Variants in TRPM3 observed in about 807,000 individuals in gnomAD.
TRPM3 encodes the protein transient receptor potential cation channel subfamily M member 3.
Under a neutral mutation model 181.2 loss-of-function variants are expected in TRPM3, and 77 were observed. That is an observed-to-expected ratio of 0.42 (90% CI 0.35 to 0.51). The LOEUF is 0.51. TRPM3 is among the 20% of genes least tolerant of loss of function. The pLI, the probability that TRPM3 is intolerant of heterozygous loss-of-function variation, is 0.01. For synonymous variants in TRPM3, 745 were observed against 796.4 expected (o/e 0.94, Z 1.09); for missense variants, 1,759 against 2,196.7 (o/e 0.80, Z 3.98).
chr9:71,414,879 G>A (rs140569965), intron 1 of TRPM3, among the ~76,000 whole-genome samples: 3 of 152,188 alleles, frequency 2.0e-5, no homozygotes, highest in African/African-American at 4.8e-5. Context: ...ATAAATTAAA[G>A]TAGCAGGCTT....
At chr9:71,315,342 C>A (rs1279320239) in intron 1 of TRPM3, among the ~76,000 whole-genome samples, 1 of 152,116 alleles carries the variant, frequency 6.6e-6, no homozygotes, top group Non-Finnish European at 1.5e-5. Flanking sequence ...TTGCATAATT[C>A]AGGCATTTTT....
chr9:70,636,769 C>A (rs2057280505), intron 11 of TRPM3, among the ~76,000 whole-genome samples: 1 of 149,738 alleles, frequency 6.7e-6, no homozygotes, highest in South Asian at 2.1e-4. Flanking sequence ...CTCACTGCAA[C>A]CTCCACCTCC....
chr9:70,834,990 A>T (rs1744683859), intron 5 of TRPM3, among the ~76,000 whole-genome samples: 1 of 152,186 alleles, frequency 6.6e-6, no homozygotes, highest in Non-Finnish European at 1.5e-5. Context: ...TAGATCCTTC[A>T]TGAATGACTT....
intron 1 of TRPM3, among the ~76,000 whole-genome samples, chr9:70,875,583 A>C (rs747417334): frequency 1.0e-3 from 153 of 152,090 alleles, no homozygotes; most frequent in Non-Finnish European, 1.7e-3. Flanking sequence ...TTCAAATATT[A>C]TTAAGATGTT....
intron 1 of TRPM3, among the ~76,000 whole-genome samples, chr9:70,877,809 A>G (rs1476520015): frequency 6.6e-6 from 1 of 151,348 alleles, no homozygotes; most frequent in Non-Finnish European, 1.5e-5. Flanking sequence ...CATAAAACAC[A>G]CACACACACA....
rs567048433 is a variant in TRPM3, at chr9:70,589,531, G to A, written c.3223+1500C>T. On this transcript the variant is annotated intron_variant, in intron 22 of 25. Coordinates refer to ENST00000677713, the MANE Select transcript of TRPM3 (RefSeq NM_001366145.2). ...GCACATTTAATCTCTGAGGAAAATG[G>A]TCATAGGTGGGTTTTTAAAAAGTGT... Among the ~76,000 whole-genome samples the A allele has an allele frequency of 9.1e-4, 138 of 152,316 alleles. 1 individual carries two copies. Among genetic ancestry groups the A allele is most frequent in the South Asian group, 6.0e-3 (29 of 4,826 alleles).
At chr9:70,633,100 T>A (rs2066194310) in intron 12 of TRPM3, among the ~76,000 whole-genome samples, 1 of 152,166 alleles carries the variant, frequency 6.6e-6, no homozygotes, top group African/African-American at 2.4e-5. Context: ...AAGGTTTGGG[T>A]TGGTGATGAC....
At chr9:71,119,731 CCT>C (rs1398583793) in intron 1 of TRPM3, among the ~76,000 whole-genome samples, 4 of 152,104 alleles carry the variant, frequency 2.6e-5, no homozygotes, top group African/African-American at 9.7e-5. Context: ...ATTCTTTGCC[CCT>C]GACTCTTGAT....
chr9:71,211,474 G>A (rs968437804), intron 1 of TRPM3, among the ~76,000 whole-genome samples: 3 of 151,688 alleles, frequency 2.0e-5, no homozygotes, highest in African/African-American at 4.8e-5. Context: ...CTAGGGCTGT[G>A]TAACAAAATG....
chr9:70,960,586 C>G (rs775485472), intron 1 of TRPM3, among the ~76,000 whole-genome samples: 1 of 152,164 alleles, frequency 6.6e-6, no homozygotes, highest in Non-Finnish European at 1.5e-5. Flanking sequence ...AGCAGGAATA[C>G]TGGGAGGCAG....
Position 71,251,880 on chromosome 9 carries a change from AC to A in TRPM3, c.183+194772del, listed in dbSNP as rs1188600457. Among the ~76,000 whole-genome samples the A allele has an allele frequency of 5.3e-5, 8 of 152,250 alleles. No homozygotes were observed. The East Asian group carries it at 5.8e-4, about 11-fold the overall frequency. On this transcript the variant is annotated intron_variant, in intron 1 of 24. Transcript: ENST00000357533. ...CCACCATCCTCTCCACCTTCTGGTA[AC>A]CATCCTTCTACTCTCTATCTCTGTG...
chr9:70,915,593 C>T (rs1283441602), intron 1 of TRPM3, among the ~76,000 whole-genome samples: 1 of 151,818 alleles, frequency 6.6e-6, no homozygotes, highest in Admixed American at 6.6e-5. Context: ...GCATGAGCCA[C>T]CACGCCTGGC....
At chr9:70,605,890 T>TGTAGGCCTA (rs2060988036) in intron 19 of TRPM3, among the ~76,000 whole-genome samples, 1 of 152,230 alleles carries the variant, frequency 6.6e-6, no homozygotes. Flanking sequence ...TCTTGTCATA[T>TGTAGGCCTA]GTAGGCCTAG....
At chr9:70,887,972 G>C (rs1032078484) in intron 1 of TRPM3, among the ~76,000 whole-genome samples, 1 of 152,166 alleles carries the variant, frequency 6.6e-6, no homozygotes, top group African/African-American at 2.4e-5. Flanking sequence ...AGAATGATGA[G>C]TTGTTGTTTT....
At chr9:70,866,302 C>T (rs1282922648) in intron 1 of TRPM3, among the ~76,000 whole-genome samples, 1 of 152,006 alleles carries the variant, frequency 6.6e-6, no homozygotes, top group Non-Finnish European at 1.5e-5. Flanking sequence ...ATTCAGAAGG[C>T]TCTTTTGTGG....
intron 2 of TRPM3, 117 bp downstream of exon 2, chr9:70,864,315 C>A: frequency 3.0e-6 from 2 of 657,732 alleles, no homozygotes; most frequent in Non-Finnish European, 2.4e-6. Flanking sequence ...TGTCCAGAAA[C>A]AATATAAAAG....
At chr9:71,161,720 A>C (rs1032550341) in intron 1 of TRPM3, among the ~76,000 whole-genome samples, 3 of 152,142 alleles carry the variant, frequency 2.0e-5, no homozygotes, top group African/African-American at 7.2e-5. Context: ...GAAAAATGGG[A>C]TTATTTTTAA....
At chr9:70,766,459 T>C (rs1285829588) in intron 7 of TRPM3, among the ~76,000 whole-genome samples, 4 of 152,148 alleles carry the variant, frequency 2.6e-5, no homozygotes, top group African/African-American at 9.7e-5. Flanking sequence ...ATAGATATTT[T>C]CTATTAGTTT....
At chr9:70,621,427 T>C (rs914617562) in intron 14 of TRPM3, among the ~76,000 whole-genome samples, 154 bp from the exon 15 acceptor site, 1 of 152,080 alleles carries the variant, frequency 6.6e-6, no homozygotes, top group African/African-American at 2.4e-5. Context: ...TGTAGAGGCA[T>C]GATCATGGTT....
Sources: gnomAD v4.1 joint callset for allele counts (sites outside exome capture counted in the v4.1 genomes callset) on GRCh38, gnomAD v4.1.1 for gene constraint, MANE v1.5 for transcripts, NCBI Gene and HGNC (gene_info 2026-07-23, HGNC 2026-07-21) for gene names.